The following SHQ1 variants were observed in gnomAD, a reference collection of about 807,000 sequenced individuals.
SHQ1 encodes protein SHQ1 homolog.
A neutral mutation model predicts 53.8 loss-of-function variants in SHQ1; 49 were observed. The ratio of observed to expected loss-of-function variants is 0.91; its 90% confidence interval spans 0.72 to 1.16. The LOEUF (loss-of-function observed/expected upper bound fraction) is 1.16, where lower values mean the gene tolerates loss of function less well. SHQ1 is among the 50% of genes most tolerant of loss of function. SHQ1 has a pLI of 0.00. For synonymous variants in SHQ1, 243 were observed against 251.0 expected (o/e 0.97, Z 0.30); for missense variants, 738 against 683.1 (o/e 1.08, Z -0.90).
intron 9 of SHQ1, chr3:72,794,511 T>C (rs1297245095): frequency 6.6e-6 from 1 of 152,218 alleles, no homozygotes; most frequent in East Asian, 1.9e-4. Flanking sequence ...CCTGATGATT[T>C]TTCCTTGGAG....
intron 10 of SHQ1, among the ~76,000 whole-genome samples, chr3:72,778,898 GCAT>G (rs1335489817): frequency 6.6e-6 from 1 of 152,104 alleles, no homozygotes; most frequent in Non-Finnish European, 1.5e-5. Flanking sequence ...ACAAACCCAG[GCAT>G]CATCCTCCAT....
chr3:72,738,799 C>T, the SHQ1 span, among the ~76,000 whole-genome samples: 5 of 152,192 alleles, frequency 3.3e-5, no homozygotes, highest in Admixed American at 2.0e-4. Flanking sequence ...CCTCAGCAAG[C>T]TTGGCGTCTG....
intron 9 of SHQ1, among the ~76,000 whole-genome samples, chr3:72,804,002 G>T (rs1402593222): frequency 1.3e-5 from 2 of 151,996 alleles, no homozygotes; most frequent in African/African-American, 4.8e-5. Context: ...CTGTAACCTC[G>T]AACTCCTGGG....
chr3:72,838,652 AC>A (rs1305024537), intron 4 of SHQ1, among the ~76,000 whole-genome samples: 1 of 152,280 alleles, frequency 6.6e-6, no homozygotes, highest in East Asian at 1.9e-4. Flanking sequence ...GGCATGCGCC[AC>A]CACGCTCAGC....
At chr3:72,818,904 T>C (rs1384138325) in intron 6 of SHQ1, among the ~76,000 whole-genome samples, 2 of 152,098 alleles carry the variant, frequency 1.3e-5, no homozygotes, top group South Asian at 2.1e-4. Context: ...CAGTTCTATA[T>C]CTGCAAGGAA....
intron 4 of SHQ1, among the ~76,000 whole-genome samples, chr3:72,836,238 C>T (rs1707988404): frequency 6.6e-6 from 1 of 152,170 alleles, no homozygotes; most frequent in African/African-American, 2.4e-5. Flanking sequence ...GCCTGTAATC[C>T]CAGCACTTTG....
At chr3:72,821,384 C>T (rs895387743) in intron 6 of SHQ1, among the ~76,000 whole-genome samples, 13 of 152,184 alleles carry the variant, frequency 8.5e-5, no homozygotes, top group Non-Finnish European at 1.8e-4. Context: ...GAAACCAGAG[C>T]TCAGGGGAAG....
intron 9 of SHQ1, among the ~76,000 whole-genome samples, chr3:72,806,301 T>G (rs1187864795): frequency 2.6e-5 from 4 of 152,186 alleles, no homozygotes; most frequent in African/African-American, 9.7e-5. Context: ...TTCTCTCCTT[T>G]CTTCGATAAG....
chr3:72,751,476 A>ATG (rs372032784), intron 10 of SHQ1, among the ~76,000 whole-genome samples: 20,842 of 109,120 alleles, frequency 0.19, 2,104 homozygotes, highest in Non-Finnish European at 0.22. Context: ...ATAAGCACAT[A>ATG]TGTGTGTGTG....
At chr3:72,839,671 G>A (rs576851428) in intron 4 of SHQ1, among the ~76,000 whole-genome samples, 7 of 152,282 alleles carry the variant, frequency 4.6e-5, no homozygotes, top group Admixed American at 3.3e-4. Flanking sequence ...ACAGAGGTAG[G>A]AGCGGGACCA....
intron 9 of SHQ1, among the ~76,000 whole-genome samples, chr3:72,809,356 A>G (rs962507909): frequency 2.6e-5 from 4 of 152,148 alleles, no homozygotes; most frequent in Non-Finnish European, 4.4e-5. Context: ...TTAAAATCTA[A>G]AGTGATAGAA....
At chr3:72,832,315 T>C in intron 5 of SHQ1, 54 bp downstream of exon 5, 1 of 1,369,422 alleles carries the variant, frequency 7.3e-7, no homozygotes, top group Non-Finnish European at 1.0e-6. Flanking sequence ...CACTCAAAAA[T>C]TTTAAAATAA....
chr3:72,780,403 T>A (rs1706047433), intron 10 of SHQ1, among the ~76,000 whole-genome samples: 1 of 152,208 alleles, frequency 6.6e-6, no homozygotes, highest in Non-Finnish European at 1.5e-5. Flanking sequence ...ACAACTGTAA[T>A]TTTAAATATC....
chr3:72,748,329 C>CAAAAAAAAAAAAAAAAAAAA (rs572927520), downstream of SHQ1, among the ~76,000 whole-genome samples: 9 of 58,792 alleles, frequency 1.5e-4, no homozygotes, highest in East Asian at 1.3e-3. Flanking sequence ...ATGAGGCATG[C>CAAAAAAAAAAAAAAAAAAAA]AAAAAAAAAA....
At chr3:72,764,150 A>C in intron 10 of SHQ1, among the ~76,000 whole-genome samples, 1 of 151,774 alleles carries the variant, frequency 6.6e-6, no homozygotes, top group East Asian at 1.9e-4. Context: ...CACTATGATC[A>C]CAATGTACCC....
At chr3:72,764,505 A>G (rs1444393810) in intron 10 of SHQ1, among the ~76,000 whole-genome samples, 1 of 152,218 alleles carries the variant, frequency 6.6e-6, no homozygotes, top group East Asian at 1.9e-4. Flanking sequence ...CGAAGTGAAA[A>G]GCATCTGTCT....
intron 8 of SHQ1, among the ~76,000 whole-genome samples, chr3:72,813,927 G>A (rs1473603381): frequency 2.0e-5 from 3 of 147,754 alleles, no homozygotes; most frequent in Middle Eastern, 3.2e-3. Flanking sequence ...GAAAAAAGGT[G>A]TTGTATCTTG....
chr3:72,745,297 A>T (rs1355338595), downstream of SHQ1, among the ~76,000 whole-genome samples: 1 of 152,106 alleles, frequency 6.6e-6, no homozygotes, highest in African/African-American at 2.4e-5. Context: ...CTGTCAACCA[A>T]TTTAGAATGT....
intron 3 of SHQ1, among the ~76,000 whole-genome samples, chr3:72,841,634 G>A (rs1233566319): frequency 1.3e-5 from 2 of 152,150 alleles, no homozygotes; most frequent in Non-Finnish European, 2.9e-5. Context: ...TGACAGAGGT[G>A]GTGTTCACTT....
Sources: allele counts gnomAD v4.1 joint callset (sites outside exome capture counted in the v4.1 genomes callset), GRCh38; gene constraint gnomAD v4.1.1; transcripts MANE v1.5; gene names NCBI Gene and HGNC (gene_info 2026-07-23, HGNC 2026-07-21).